Variants in OSBPL3 observed in about 807,000 individuals in gnomAD.
The protein encoded by OSBPL3 is oxysterol-binding protein-related protein 3.
A neutral mutation model predicts 120.1 loss-of-function variants in OSBPL3; 65 were observed. The ratio of observed to expected loss-of-function variants is 0.54; its 90% CI spans 0.44 to 0.67. The LOEUF (loss-of-function observed/expected upper bound fraction) is 0.67, where lower values mean the gene tolerates loss of function less well. Ranked by LOEUF, OSBPL3 falls within the 30% of genes least tolerant of loss-of-function variation. The pLI is 0.00. For synonymous variants in OSBPL3, 416 were observed against 402.6 expected, an observed-to-expected ratio of 1.03 and a Z score of -0.40; for missense variants, 1,004 against 1,082.1, an observed-to-expected ratio of 0.93 and a Z score of 1.01.
Position 24,953,584 on chromosome 7 carries a change from G to C in OSBPL3, c.-150+26302C>G, listed in dbSNP as rs1446976878. 6.6e-6 allele frequency among the ~76,000 whole-genome samples: 1 copy of C among 152,198 alleles called. No homozygotes were observed. The highest frequency in any genetic ancestry group is 2.4e-5 in the African/African-American group (1 of 41,442). On this transcript the variant is annotated intron_variant, in intron 1 of 22. Transcript: ENST00000313367. The surrounding 1 kb of genome is among the most constrained non-coding windows in gnomAD (Gnocchi z 4.3). ...TCAGAAAAAGAATTAGGCACATTAG[G>C]AAGCAGTCAGATTGTATCAGTGATC...
Position 24,978,201 on chromosome 7 carries a change from T to A in OSBPL3, c.-150+1685A>T, listed in dbSNP as rs142961748. On this transcript the variant is annotated intron_variant, in intron 1 of 22. Coordinates refer to ENST00000313367, the MANE Select transcript of OSBPL3 (RefSeq NM_015550.4). ...GACTTCTGTAAGTTTAATGCGGTAA[T>A]GTACAAAAGTTCCTAGTATTGCTAT... 1.4e-3 allele frequency among the ~76,000 whole-genome samples: 214 copies of A among 152,342 alleles called. 2 individuals carry two copies. Among genetic ancestry groups the A allele is most frequent in the Non-Finnish European group, 6.0e-4 (41 of 68,028 alleles).
intron 1 of OSBPL3, among the ~76,000 whole-genome samples, chr7:24,971,413 C>T (rs1817012173): frequency 6.6e-6 from 1 of 152,214 alleles, no homozygotes; most frequent in African/African-American, 2.4e-5. Context: ...AGCCCGGGCA[C>T]AGCTCCGTGG....
rs1248600808 is a variant in OSBPL3, at chr7:24,967,282, C to G, written c.-150+12604G>C. ...CTCCAATGGCCAGAGGATGAAGTAG[C>G]CATGCACCACCCTTGGGTTCCCATG... On this transcript the variant is annotated intron_variant, in intron 1 of 22. Coordinates refer to ENST00000313367, the MANE Select transcript of OSBPL3 (RefSeq NM_015550.4). This position sits in a 1 kb window ranked among gnomAD's most constrained non-coding sequence, Gnocchi z 5.6. 6.6e-6 allele frequency among the ~76,000 whole-genome samples: 1 copy of G among 152,186 alleles called. No homozygotes were observed. Among genetic ancestry groups the G allele is most frequent in the African/African-American group, 2.4e-5 (1 of 41,430 alleles).
chr7:24,800,291 GAAACAATTTCTTGCAGACTCTTGA>G lies in OSBPL3; in HGVS notation c.2568-36_2568-13del, dbSNP rs761740999. 4 of 1,542,828 alleles carry G rather than the reference GAAACAATTTCTTGCAGACTCTTGA, an allele frequency of 2.6e-6. No homozygotes were observed. Among genetic ancestry groups the G allele is most frequent in the Non-Finnish European group, 3.6e-6 (4 of 1,115,856 alleles). ...CATCGTCGGATTTCCTGTGAAAGAA[GAAACAATTTCTTGCAGACTCTTGA>G]AACCAGCGTCACATTCTCAAGTCTC... On this transcript the variant is annotated splice_polypyrimidine_tract_variant and intron_variant, in intron 22 of 22. Coordinates refer to ENST00000313367, the MANE Select transcript of OSBPL3 (RefSeq NM_015550.4).
At position 24,898,481 on chromosome 7, in the gene OSBPL3, G is replaced by A. The variant is rs193272905; in HGVS notation, c.-149-5860C>T. On this transcript the variant is annotated intron_variant, in intron 1 of 22. Coordinates refer to ENST00000313367, the MANE Select transcript of OSBPL3 (RefSeq NM_015550.4). This position sits in a 1 kb window ranked among gnomAD's most constrained non-coding sequence, Gnocchi z 4.3. ...CTTATTCTCACTTTTGGCAAGACAGGAGTCAAGAGGCCTAAAGACTCAAAT... is the reference window on the plus strand; with the variant it reads ...CTTATTCTCACTTTTGGCAAGACAGAAGTCAAGAGGCCTAAAGACTCAAAT... Among the ~76,000 whole-genome samples the A allele has an allele frequency of 6.5e-4, 99 of 152,162 alleles. No homozygotes were observed. The highest frequency in any genetic ancestry group is 2.1e-3 in the African/African-American group (86 of 41,492).
chr7:24,799,644 G>A lies in OSBPL3; in HGVS notation c.*539C>T, dbSNP rs1792069122. 6.6e-6 allele frequency: 1 copy of A among 152,484 alleles called. No individual in the cohort carries two copies. The highest frequency in any genetic ancestry group is 1.5e-5 in the Non-Finnish European group (1 of 68,014). The allele number at this position is 152,484 out of a possible 1,614,324, so 9.4% of individuals were successfully genotyped here. On this transcript the variant is annotated 3_prime_UTR_variant, in exon 23 of 23. Transcript: ENST00000313367. This position sits in a 1 kb window ranked among gnomAD's most constrained non-coding sequence, Gnocchi z 5.3. ...ATATCCTCTCCCTAACCACTAAAAT[G>A]CAAATGAAAATATTCTTCAGACTCC...
In OSBPL3 at chr7:24,953,009, T is replaced by C. The variant is rs976673849; in HGVS notation, c.-150+26877A>G. 1.1e-4 allele frequency among the ~76,000 whole-genome samples: 17 copies of C among 152,242 alleles called. No homozygotes were observed. The highest frequency in any genetic ancestry group is 4.1e-4 in the African/African-American group (17 of 41,540). ...AAAATTAGCCAGGCATGGTGGTGCA[T>C]GCTTGTAGTCCCACCTACTTGAGAG... On this transcript the variant is annotated intron_variant, in intron 1 of 22. Transcript: ENST00000313367. The surrounding 1 kb of genome is among the most constrained non-coding windows in gnomAD (Gnocchi z 4.3).
rs1220799576 is a variant in OSBPL3 at position 24,979,985 on chromosome 7, C to T, written c.-249G>A. 1.0e-6 allele frequency: 1 copy of T among 985,356 alleles called. No homozygotes were observed. Among genetic ancestry groups the T allele is most frequent in the Non-Finnish European group, 1.2e-6 (1 of 829,970 alleles). The allele number at this position is 985,356 out of a possible 1,614,324, so 61.0% of individuals were successfully genotyped here. ...GAAGGCAACCCCGGCTTCTCCGGTA[C>T]CCCCGCAACGTGCAGCTGACAGCTC... On this transcript the variant is annotated 5_prime_UTR_variant, in exon 1 of 23. Coordinates refer to ENST00000313367, the MANE Select transcript of OSBPL3 (RefSeq NM_015550.4).
chr7:24,801,882 G>A (rs990454842), intron 22 of OSBPL3, among the ~76,000 whole-genome samples: 1 of 152,160 alleles, frequency 6.6e-6, no homozygotes, highest in Non-Finnish European at 1.5e-5. Flanking sequence ...CCATTGTATG[G>A]ATGGACCACA....
intron 16 of OSBPL3, among the ~76,000 whole-genome samples, chr7:24,825,114 C>A (rs150153377): frequency 9.2e-5 from 14 of 152,290 alleles, no homozygotes; most frequent in African/African-American, 3.1e-4. Context: ...GGATTTAGAG[C>A]AGCTGCTGCT....
chr7:24,810,163 T>C (rs181257024), intron 19 of OSBPL3: 36 of 525,816 alleles, frequency 6.8e-5, no homozygotes, highest in African/African-American at 4.2e-4. Context: ...CATGTATACA[T>C]TGTGGAATGG....
chr7:24,870,380 A>G (rs995459744), intron 5 of OSBPL3, among the ~76,000 whole-genome samples: 4 of 152,220 alleles, frequency 2.6e-5, no homozygotes, highest in Admixed American at 6.5e-5. Flanking sequence ...TGTTACATAT[A>G]TATTTCAGGA....
chr7:24,871,891 G>T lies in OSBPL3; in HGVS notation c.213+62C>A. On this transcript the variant is annotated intron_variant, in intron 3 of 22. Coordinates refer to ENST00000313367, the MANE Select transcript of OSBPL3 (RefSeq NM_015550.4). This position sits in a 1 kb window ranked among gnomAD's most constrained non-coding sequence, Gnocchi z 4.8. The stretch of plus-strand genomic sequence containing the variant: ...CTAGAAATTAAATATGAGTACCTAA[G>T]AACCAGGTGCTGAGTGGGGCAGTGT... The T allele has an allele frequency of 2.1e-6, 3 of 1,459,088 alleles. No individual in the cohort carries two copies. The highest frequency in any genetic ancestry group is 2.9e-6 in the Non-Finnish European group (3 of 1,038,698). 90.4% of individuals were successfully genotyped at this position (1,459,088 alleles called of 1,614,324 possible).
In OSBPL3 at chr7:24,873,443, T is replaced by G. The variant is rs1277849122; in HGVS notation, c.97-1374A>C. ...GATCGTGATGGGTCTGCCTTCTATC[T>G]GATGGCACTTTACCATGAATCCAAT... On this transcript the variant is annotated intron_variant, in intron 2 of 22. Transcript: ENST00000313367. This position sits in a 1 kb window ranked among gnomAD's most constrained non-coding sequence, Gnocchi z 4.1. Among the ~76,000 whole-genome samples the G allele has an allele frequency of 1.2e-4, 18 of 152,240 alleles. No homozygotes were observed. The highest frequency in any genetic ancestry group is 1.2e-3 in the Admixed American group (18 of 15,286).
At position 24,891,212 on chromosome 7, in the gene OSBPL3, A is replaced by G. The variant is rs905221402; in HGVS notation, c.96+1165T>C. Among the ~76,000 whole-genome samples, 8 of 146,886 alleles carry G rather than the reference A, an allele frequency of 5.4e-5. No homozygotes were observed. Among genetic ancestry groups the G allele is most frequent in the Non-Finnish European group, 1.1e-4 (7 of 66,362 alleles). Reference sequence around the variant, plus strand: ...CAATGACTAATTTTAGTCTTTTCTTATTTTTTTTTTTTTTAATTCCAGAAG... The same window carrying G: ...CAATGACTAATTTTAGTCTTTTCTTGTTTTTTTTTTTTTTAATTCCAGAAG... On this transcript the variant is annotated intron_variant, in intron 2 of 22. Transcript: ENST00000313367. This position sits in a 1 kb window ranked among gnomAD's most constrained non-coding sequence, Gnocchi z 4.1.
At position 24,799,853 on chromosome 7, in the gene OSBPL3, T is replaced by G. The variant is rs969403317; in HGVS notation, c.*330A>C. 4.5e-5 allele frequency: 7 copies of G among 154,788 alleles called. No individual in the cohort carries two copies. Among genetic ancestry groups the G allele is most frequent in the African/African-American group, 1.7e-4 (7 of 41,524 alleles). The allele number at this position is 154,788 out of a possible 1,614,324, so 9.6% of individuals were successfully genotyped here. On this transcript the variant is annotated 3_prime_UTR_variant, in exon 23 of 23. Transcript: ENST00000313367. This position sits in a 1 kb window ranked among gnomAD's most constrained non-coding sequence, Gnocchi z 5.3. The stretch of plus-strand genomic sequence containing the variant: ...CAACATAATTTTATAAGGCATAAAT[T>G]TAATTGGAATCTTCCCTAACCTTTG...
intron 22 of OSBPL3, 108 bp from the exon 23 acceptor site, chr7:24,800,387 A>C: frequency 1.5e-6 from 1 of 648,418 alleles, no homozygotes; most frequent in Non-Finnish European, 2.8e-6. Flanking sequence ...TCCCACATGC[A>C]TTCAGCGTCC....
At chr7:24,842,496 C>T (rs1298180681) in intron 12 of OSBPL3, 83 bp from the exon 13 acceptor site, 9 of 1,038,712 alleles carry the variant, frequency 8.7e-6, no homozygotes, top group African/African-American at 6.4e-5. Context: ...TTGTACAATA[C>T]ACAAGGTCAC....
At position 24,854,506 on chromosome 7, in the gene OSBPL3, A is replaced by G. The variant is rs1410030871; in HGVS notation, c.1028-1872T>C. On this transcript the variant is annotated intron_variant, in intron 10 of 22. Coordinates refer to ENST00000313367, the MANE Select transcript of OSBPL3 (RefSeq NM_015550.4). The surrounding 1 kb of genome is among the most constrained non-coding windows in gnomAD (Gnocchi z 4.1). ...ACAATTTGTACACACACACACGCAC[A>G]CACACACACACACACACACACACAC... 1.3e-3 allele frequency among the ~76,000 whole-genome samples: 74 copies of G among 55,892 alleles called. No individual in the cohort carries two copies. The highest frequency in any genetic ancestry group is 4.1e-3 in the East Asian group (2 of 484). The allele number at this position is 55,892 out of a possible 152,430, so 36.7% of individuals were successfully genotyped here.
Sources: allele counts gnomAD v4.1 joint callset (sites outside exome capture counted in the v4.1 genomes callset), GRCh38; gene constraint gnomAD v4.1.1; non-coding constraint Gnocchi (gnomAD v3.1); transcripts MANE v1.5; gene names NCBI Gene and HGNC (gene_info 2026-07-23, HGNC 2026-07-21).